The following MB21D2 variants were observed in gnomAD, a reference collection of about 807,000 sequenced individuals.
The protein encoded by MB21D2 is Mab-21 domain containing 2.
In MB21D2, 9 loss-of-function variants were observed where a neutral mutation model predicts 33.3. That is an observed-to-expected ratio of 0.27 (90% CI 0.16 to 0.47). The LOEUF is 0.47. MB21D2 is among the 20% of genes least tolerant of loss of function. The pLI, the probability that MB21D2 is intolerant of heterozygous loss-of-function variation, is 0.99. For synonymous variants in MB21D2, 241 were observed against 236.3 expected, an observed-to-expected ratio of 1.02 and a Z score of -0.18; for missense variants, 540 against 624.6, an observed-to-expected ratio of 0.86 and a Z score of 1.44.
chr3:192,878,142 C>G (rs1713481026), intron 1 of MB21D2, among the ~76,000 whole-genome samples: 1 of 144,958 alleles, frequency 6.9e-6, no homozygotes, highest in Non-Finnish European at 1.5e-5. Context: ...CTCTGTCGCC[C>G]AGGCTGGAGT....
chr3:192,870,845 C>T (rs971466098), intron 1 of MB21D2, among the ~76,000 whole-genome samples: 1 of 151,818 alleles, frequency 6.6e-6, no homozygotes, highest in Non-Finnish European at 1.5e-5. Context: ...CTCTTAAGGC[C>T]AAAATATATT....
chr3:192,847,612 C>A (rs981350793), intron 1 of MB21D2, among the ~76,000 whole-genome samples: 3 of 152,176 alleles, frequency 2.0e-5, no homozygotes, highest in African/African-American at 7.2e-5. Flanking sequence ...CCATAATGCT[C>A]CAAAATCAAA....
rs189069959 is a variant in MB21D2, at chr3:192,869,432, A to G, written c.211+48198T>C. Among the ~76,000 whole-genome samples, 387 of 152,226 alleles carry G rather than the reference A, an allele frequency of 2.5e-3. 4 individuals carry two copies. Among genetic ancestry groups the G allele is most frequent in the African/African-American group, 8.9e-3 (369 of 41,532 alleles). On this transcript the variant is annotated intron_variant, in intron 1 of 1. Transcript: ENST00000392452. The stretch of plus-strand genomic sequence containing the variant: ...GTAGTGGAGGAGACTGACACAGTGA[A>G]TAAAACAATCCAAAACCTGAAAGCT...
At chr3:192,894,131 G>C (rs958122095) in intron 1 of MB21D2, among the ~76,000 whole-genome samples, 3 of 151,876 alleles carry the variant, frequency 2.0e-5, no homozygotes, top group Admixed American at 6.6e-5. Flanking sequence ...TTTTTGTTTT[G>C]TGTTGTTTTG....
At chr3:192,847,436 A>G (rs1168860237) in intron 1 of MB21D2, among the ~76,000 whole-genome samples, 2 of 152,156 alleles carry the variant, frequency 1.3e-5, no homozygotes, top group African/African-American at 4.8e-5. Flanking sequence ...GCCACGAACT[A>G]GCAGTTAGGG....
intron 1 of MB21D2, among the ~76,000 whole-genome samples, chr3:192,829,696 T>G (rs1476628441): frequency 6.6e-6 from 1 of 151,982 alleles, no homozygotes; most frequent in Non-Finnish European, 1.5e-5. Flanking sequence ...AGAGCATTCT[T>G]CTGTTTATGT....
intron 1 of MB21D2, among the ~76,000 whole-genome samples, chr3:192,870,032 T>C (rs939981979): frequency 2.0e-5 from 3 of 152,202 alleles, no homozygotes; most frequent in Admixed American, 6.5e-5. Flanking sequence ...TCAGAAAGCC[T>C]AGCTGAATGA....
At chr3:192,854,362 T>G (rs1407045599) in intron 1 of MB21D2, among the ~76,000 whole-genome samples, 1 of 152,232 alleles carries the variant, frequency 6.6e-6, no homozygotes, top group Non-Finnish European at 1.5e-5. Flanking sequence ...ATCCAGAGCA[T>G]GGCCCTAACT....
Position 192,893,992 on chromosome 3 carries a change from G to T in MB21D2, c.211+23638C>A, listed in dbSNP as rs549441715. Among the ~76,000 whole-genome samples the T allele has an allele frequency of 9.0e-4, 137 of 152,178 alleles. 3 individuals are homozygous for T. In the South Asian group the frequency reaches 0.016, roughly 18 times the overall value. Reference sequence around the variant, plus strand: ...TAGAGGCTGCCTGAGCTATGATTGTGCCACTGCACTCCAGCCTAGGGAACA... The same window carrying T: ...TAGAGGCTGCCTGAGCTATGATTGTTCCACTGCACTCCAGCCTAGGGAACA... On this transcript the variant is annotated intron_variant, in intron 1 of 1. Coordinates refer to ENST00000392452, the MANE Select transcript of MB21D2 (RefSeq NM_178496.4).
intron 1 of MB21D2, among the ~76,000 whole-genome samples, chr3:192,861,205 C>A (rs1317377024): frequency 2.0e-5 from 3 of 152,210 alleles, no homozygotes; most frequent in Non-Finnish European, 2.9e-5. Context: ...GCAGATCTGA[C>A]CTCTGGGCTC....
At chr3:192,900,818 G>GCT (rs1377346582) in intron 1 of MB21D2, among the ~76,000 whole-genome samples, 3 of 152,184 alleles carry the variant, frequency 2.0e-5, no homozygotes, top group Admixed American at 1.3e-4. Flanking sequence ...GCGCCCGCCT[G>GCT]TAGTCCCACC....
chr3:192,845,589 T>C (rs1252127860), intron 1 of MB21D2, among the ~76,000 whole-genome samples: 3 of 152,240 alleles, frequency 2.0e-5, no homozygotes, highest in African/African-American at 7.2e-5. Context: ...CAGCTCTGAA[T>C]GTTCCACACC....
intron 1 of MB21D2, among the ~76,000 whole-genome samples, chr3:192,905,530 G>A (rs940015903): frequency 1.3e-5 from 2 of 151,404 alleles, no homozygotes; most frequent in African/African-American, 2.4e-5. Flanking sequence ...ACAGCTACTC[G>A]GGAGGCTGAG....
intron 1 of MB21D2, among the ~76,000 whole-genome samples, chr3:192,886,104 C>T (rs1419178987): frequency 3.3e-5 from 5 of 151,976 alleles, no homozygotes; most frequent in East Asian, 1.9e-4. Flanking sequence ...GGATTACAGG[C>T]GCCCACCTCC....
chr3:192,804,355 A>G (rs1711616287), intron 1 of MB21D2, among the ~76,000 whole-genome samples: 1 of 266 alleles, frequency 3.8e-3, no homozygotes, highest in Admixed American at 0.1. Flanking sequence ...AGTCTGTGAA[A>G]ACTCAGAGAG....
chr3:192,839,079 T>C (rs752895389), intron 1 of MB21D2, among the ~76,000 whole-genome samples: 1 of 152,150 alleles, frequency 6.6e-6, no homozygotes, highest in Non-Finnish European at 1.5e-5. Context: ...GACTTCATGA[T>C]GGTGAGGGGG....
At chr3:192,891,708 A>G (rs918773351) in intron 1 of MB21D2, among the ~76,000 whole-genome samples, 2 of 152,128 alleles carry the variant, frequency 1.3e-5, no homozygotes, top group Non-Finnish European at 2.9e-5. Flanking sequence ...CACACCAGCT[A>G]CATGACCTCT....
intron 1 of MB21D2, among the ~76,000 whole-genome samples, chr3:192,837,260 G>A (rs1050157403): frequency 1.5e-4 from 23 of 152,168 alleles, no homozygotes; most frequent in Non-Finnish European, 7.4e-5. Context: ...TTTCCCAAAG[G>A]GGCCTTCTGA....
intron 1 of MB21D2, among the ~76,000 whole-genome samples, chr3:192,890,476 G>GT (rs1444222426): frequency 1.3e-5 from 2 of 151,708 alleles, no homozygotes; most frequent in African/African-American, 4.9e-5. Flanking sequence ...GGCTTAGCTT[G>GT]TAAGGTCTGA....
Sources: allele counts gnomAD v4.1 joint callset (sites outside exome capture counted in the v4.1 genomes callset), GRCh38; gene constraint gnomAD v4.1.1; transcripts MANE v1.5; gene names NCBI Gene and HGNC (gene_info 2026-07-23, HGNC 2026-07-21).